The following RBFOX1 variants were observed in gnomAD, a reference collection of about 807,000 sequenced individuals.
RBFOX1 encodes RNA binding fox-1 homolog 1.
Under a neutral mutation model 57.7 loss-of-function variants are expected in RBFOX1, and 8 were observed. The observed-to-expected ratio is 0.14, with a 90% CI of 0.08 to 0.25. The LOEUF (loss-of-function observed/expected upper bound fraction) is 0.25. RBFOX1 is among the 10% of genes least tolerant of loss of function. The pLI is 1.00. For missense variants in RBFOX1, 611 were observed against 548.5 expected, an observed-to-expected ratio of 1.11 and a Z score of -1.14; for synonymous variants, 326 against 222.4, an observed-to-expected ratio of 1.47 and a Z score of -4.15.
At chr16:6,604,358 T>A (rs1425301435) in intron 2 of RBFOX1, among the ~76,000 whole-genome samples, 1 of 152,208 alleles carries the variant, frequency 6.6e-6, no homozygotes, top group Non-Finnish European at 1.5e-5. Flanking sequence ...TTATTTTTTT[T>A]AAGAGATAGG....
At chr16:7,243,011 T>C (rs1026384306) in intron 4 of RBFOX1, among the ~76,000 whole-genome samples, 1 of 152,184 alleles carries the variant, frequency 6.6e-6, no homozygotes, top group Non-Finnish European at 1.5e-5. Context: ...TTACTTGGAT[T>C]TTCAGGATGT....
chr16:5,370,156 A>T (rs1031809963), intron 1 of RBFOX1, among the ~76,000 whole-genome samples: 1 of 152,090 alleles, frequency 6.6e-6, no homozygotes, highest in Non-Finnish European at 1.5e-5. Flanking sequence ...TGGAGTTGCA[A>T]AGCTCACTCC....
At chr16:6,532,314 A>G (rs891454641) in intron 2 of RBFOX1, among the ~76,000 whole-genome samples, 2 of 152,094 alleles carry the variant, frequency 1.3e-5, no homozygotes, top group African/African-American at 4.8e-5. Flanking sequence ...ACCAGTGAGC[A>G]AGTGATCTCC....
Position 7,237,164 on chromosome 16 carries a change from C to G in RBFOX1, c.27+185066C>G, listed in dbSNP as rs185555139. Among the ~76,000 whole-genome samples the G allele has an allele frequency of 2.6e-5, 4 of 152,270 alleles. No individual in the cohort carries two copies. In the East Asian group the frequency reaches 7.7e-4, roughly 29 times the overall value. ...CCCAAATGTCATTGGGATAGGCCAG[C>G]GTGCCAGATGCCATCACAGAAAATA... On this transcript the variant is annotated intron_variant, in intron 4 of 15. Transcript: ENST00000550418.
intron 3 of RBFOX1, among the ~76,000 whole-genome samples, chr16:7,021,042 C>T (rs1043959719): frequency 2.0e-5 from 3 of 152,086 alleles, no homozygotes; most frequent in Non-Finnish European, 4.4e-5. Flanking sequence ...GCAGGAGAAT[C>T]GGTTGAACCT....
intron 1 of RBFOX1, among the ~76,000 whole-genome samples, chr16:6,253,930 A>G (rs1258734052): frequency 6.6e-6 from 1 of 152,136 alleles, no homozygotes; most frequent in African/African-American, 2.4e-5. Context: ...TGCAGAGAAT[A>G]TAAATGGGTT....
At chr16:7,242,062 C>A (rs904637716) in intron 4 of RBFOX1, among the ~76,000 whole-genome samples, 12 of 152,106 alleles carry the variant, frequency 7.9e-5, no homozygotes, top group African/African-American at 2.9e-4. Flanking sequence ...ATAGGCACCT[C>A]AGTGATAACA....
intron 2 of RBFOX1, among the ~76,000 whole-genome samples, chr16:5,565,499 C>T (rs1456213472): frequency 2.6e-5 from 4 of 151,932 alleles, no homozygotes; most frequent in Non-Finnish European, 1.5e-5. Context: ...GTGGCACCTG[C>T]GTATAATCCC....
At chr16:7,126,988 G>A (rs936998415) in intron 4 of RBFOX1, among the ~76,000 whole-genome samples, 104 of 142,654 alleles carry the variant, frequency 7.3e-4, no homozygotes, top group Non-Finnish European at 1.2e-3. Flanking sequence ...CAGCCTGGGC[G>A]TGACAGAGCG....
chr16:7,228,782 A>G (rs1001066496), intron 4 of RBFOX1, among the ~76,000 whole-genome samples: 2 of 152,216 alleles, frequency 1.3e-5, no homozygotes, highest in Admixed American at 1.3e-4. Context: ...TCCCATTATA[A>G]TTTATTTTGG....
chr16:6,827,397 AG>A (rs1292397662), intron 3 of RBFOX1, among the ~76,000 whole-genome samples: 4 of 152,118 alleles, frequency 2.6e-5, no homozygotes, highest in African/African-American at 9.7e-5. Flanking sequence ...TTATCGCTGG[AG>A]GGGAAGTGCT....
At chr16:5,906,011 A>T (rs2058446679) in intron 4 of RBFOX1, among the ~76,000 whole-genome samples, 1 of 152,150 alleles carries the variant, frequency 6.6e-6, no homozygotes, top group African/African-American at 2.4e-5. Flanking sequence ...GCAGGGGAGG[A>T]TGCTGTCTGC....
At chr16:7,089,665 A>G (rs1022845459) in intron 4 of RBFOX1, among the ~76,000 whole-genome samples, 3 of 152,204 alleles carry the variant, frequency 2.0e-5, no homozygotes, top group African/African-American at 7.2e-5. Context: ...AACTCAAAGC[A>G]GAGGAAAAAT....
At chr16:5,725,101 C>G (rs1047078120) in intron 3 of RBFOX1, among the ~76,000 whole-genome samples, 1 of 152,118 alleles carries the variant, frequency 6.6e-6, no homozygotes, top group African/African-American at 2.4e-5. Context: ...TCTTTGTCCC[C>G]AGTACTAATA....
At chr16:7,244,439 G>C (rs2094206198) in intron 4 of RBFOX1, among the ~76,000 whole-genome samples, 2 of 152,052 alleles carry the variant, frequency 1.3e-5, no homozygotes, top group African/African-American at 2.4e-5. Context: ...GTCATTTCTT[G>C]TCATATTGAG....
At chr16:7,398,587 C>G (rs183338692) in intron 4 of RBFOX1, among the ~76,000 whole-genome samples, 7 of 152,360 alleles carry the variant, frequency 4.6e-5, no homozygotes, top group Non-Finnish European at 7.3e-5. Flanking sequence ...GTGACAAATG[C>G]CACCTTCAAT....
intron 2 of RBFOX1, among the ~76,000 whole-genome samples, chr16:6,532,053 C>A (rs986855268): frequency 9.9e-5 from 15 of 152,208 alleles, no homozygotes; most frequent in African/African-American, 3.4e-4. Context: ...ACTAAGTCTT[C>A]CGTCCATGTA....
Position 6,873,017 on chromosome 16 carries a change from T to A in RBFOX1, c.-15-179040T>A, listed in dbSNP as rs79365433. Among the ~76,000 whole-genome samples, 187 of 152,156 alleles carry A rather than the reference T, an allele frequency of 1.2e-3. 3 individuals are homozygous for A. The East Asian group carries it at 0.027, about 22-fold the overall frequency. On this transcript the variant is annotated intron_variant, in intron 3 of 15. Transcript: ENST00000550418. ...GAGATCTTATAAAGATAATTAGATA[T>A]ACTGCAGTGTGTTCTATATTCTCAG...
Position 7,064,184 on chromosome 16 carries a change from T to C in RBFOX1, c.27+12086T>C, listed in dbSNP as rs1442629211. On this transcript the variant is annotated intron_variant, in intron 4 of 15. Transcript: ENST00000550418. Reference sequence around the variant, plus strand: ...TTCTTTTTTTTTTTTTTTTTTTTTTTCTGAGGTGGAGTCTCACTATGTGGC... The same window carrying C: ...TTCTTTTTTTTTTTTTTTTTTTTTTCCTGAGGTGGAGTCTCACTATGTGGC... 7.9e-3 allele frequency among the ~76,000 whole-genome samples: 449 copies of C among 56,730 alleles called. 6 individuals carry two copies. The highest frequency in any genetic ancestry group is 0.039 in the East Asian group (59 of 1,514). 37.2% of individuals were successfully genotyped at this position (56,730 alleles called of 152,430 possible). A position where few individuals can be genotyped will look rare whatever the true frequency, so the allele number is the denominator to read the frequency against.
Sources: gnomAD v4.1 joint callset for allele counts (sites outside exome capture counted in the v4.1 genomes callset) on GRCh38, gnomAD v4.1.1 for gene constraint, MANE v1.5 for transcripts, NCBI Gene and HGNC (gene_info 2026-07-23, HGNC 2026-07-21) for gene names.